The following PPL variants were observed in gnomAD, a reference collection of about 807,000 sequenced individuals.
PPL encodes 190 kDa paraneoplastic pemphigus antigen.
PPL carries 198 observed loss-of-function variants against 194.4 expected under a neutral mutation model. That is an observed-to-expected ratio of 1.02 (90% confidence interval 0.91 to 1.15). The LOEUF (loss-of-function observed/expected upper bound fraction) is 1.15, where lower values mean the gene tolerates loss of function less well. PPL is among the 50% of genes most tolerant of loss of function. The probability of loss-of-function intolerance (pLI) is 0.00; values close to 1 mark genes in which losing one functional copy is unlikely to be tolerated. For synonymous variants in PPL, 1,220 were observed against 972.4 expected (o/e 1.25, Z -4.74); for missense variants, 2,885 against 2,294.8 (o/e 1.26, Z -5.25).
chr16:4,886,532 G>A (rs1458609195), intron 21 of PPL, among the ~76,000 whole-genome samples: 1 of 152,240 alleles, frequency 6.6e-6, no homozygotes, highest in East Asian at 1.9e-4. Flanking sequence ...TGCTGATGAA[G>A]AGTGAACTGC....
chr16:4,927,694 G>T (rs550637735), intron 1 of PPL, among the ~76,000 whole-genome samples: 1 of 152,180 alleles, frequency 6.6e-6, no homozygotes, highest in East Asian at 1.9e-4. Flanking sequence ...TTAATCCTGT[G>T]GAAATATATC....
intron 2 of PPL, 131 bp from the exon 3 acceptor site, chr16:4,904,171 T>G (rs775828843): frequency 2.9e-5 from 29 of 984,196 alleles, no homozygotes; most frequent in Non-Finnish European, 3.7e-5. Flanking sequence ...CTTCCAGGCT[T>G]GTCCATATGG....
chr16:4,922,023 C>T (rs2089060371), intron 1 of PPL, among the ~76,000 whole-genome samples: 1 of 152,106 alleles, frequency 6.6e-6, no homozygotes, highest in South Asian at 2.1e-4. Context: ...GACCCTCGCT[C>T]TCCACCTCCT....
In PPL at chr16:4,888,171, C is replaced by T. The variant is rs1280149970; in HGVS notation, c.2445G>A (p.Glu815=). The T allele has an allele frequency of 1.2e-6, 2 of 1,613,898 alleles. No individual in the cohort carries two copies. The highest frequency in any genetic ancestry group is 1.7e-6 in the Non-Finnish European group (2 of 1,179,774). ...AEKLRSLLDL[E]NGRRSHVSKR... is the part of the protein sequence containing the mutation. ...TGCTCACGTGGCTTCTCCTTCCATT[C>T]TCCAAGTCGAGAAGAGACCTTAGTT... The change falls in exon 20 of 22, where the codon GAG becomes GAA. Residue 815 remains glutamate (E), a synonymous_variant. Transcript: ENST00000345988.
At chr16:4,932,228 T>C (rs1228668037) in intron 1 of PPL, among the ~76,000 whole-genome samples, 2 of 151,856 alleles carry the variant, frequency 1.3e-5, no homozygotes, top group East Asian at 3.9e-4. Flanking sequence ...GTAACATCCA[T>C]GGCCTTGCTG....
chr16:4,931,122 G>C (rs994961840), intron 1 of PPL, among the ~76,000 whole-genome samples: 9 of 152,124 alleles, frequency 5.9e-5, no homozygotes, highest in African/African-American at 1.9e-4. Context: ...TCAGTGCTTT[G>C]GGAGGCTAAG....
At position 4,897,714 on chromosome 16, in the gene PPL, G is replaced by A. The variant is rs757389593; in HGVS notation, c.933C>T (p.Cys311=). The A allele has an allele frequency of 8.7e-6, 14 of 1,613,798 alleles. No individual in the cohort carries two copies. The highest frequency in any genetic ancestry group is 2.7e-5 in the African/African-American group (2 of 74,918). ...CCATGTACTTGAGGTGGCTCTCCTC[G>A]CAGATGAGCAGGTTCAGGTACTCCT... ...DWKEYLNLLI[C]EESHLKYMED... The change falls in exon 9 of 22, where the codon TGC becomes TGT. Residue 311 remains cysteine, a synonymous_variant. Transcript: ENST00000345988.
chr16:4,909,153 G>A (rs1438085411), intron 2 of PPL, among the ~76,000 whole-genome samples: 1 of 152,090 alleles, frequency 6.6e-6, no homozygotes, highest in Non-Finnish European at 1.5e-5. Context: ...CACTCCTGGG[G>A]CCCCTGCAGG....
rs1386836397 is a variant in PPL at position 4,895,395 on chromosome 16, CCTT to C, written c.1105_1107del (p.Lys369del). ...ACCACGTCCTCATACTTGTCCAGCA[CCTT>C]CTCCTGGTCCTGGAGAGAACGGGGT... is the stretch of plus-strand genomic sequence containing the variant. On this transcript the variant is annotated inframe_deletion, in exon 11 of 22. Coordinates refer to ENST00000345988, the MANE Select transcript of PPL (RefSeq NM_002705.5). 1 of 1,613,288 alleles carries C rather than the reference CCTT, an allele frequency of 6.2e-7. No homozygotes were observed.
intron 1 of PPL, among the ~76,000 whole-genome samples, chr16:4,931,882 C>A (rs545729880): frequency 4.6e-5 from 7 of 152,234 alleles, no homozygotes; most frequent in Non-Finnish European, 1.0e-4. Flanking sequence ...AAGCTCAGCT[C>A]TGTCCTGAAT....
intron 1 of PPL, among the ~76,000 whole-genome samples, chr16:4,930,858 C>T (rs956966398): frequency 6.6e-6 from 1 of 152,208 alleles, no homozygotes; most frequent in Non-Finnish European, 1.5e-5. Flanking sequence ...TGTTGATGTG[C>T]AGGGCACCAG....
At position 4,921,098 on chromosome 16, in the gene PPL, C is replaced by T. The variant is rs116400549; in HGVS notation, c.63-10149G>A. Among the ~76,000 whole-genome samples the T allele has an allele frequency of 1.4e-3, 209 of 152,360 alleles. 1 individual carries two copies. The highest frequency in any genetic ancestry group is 4.9e-3 in the African/African-American group (204 of 41,598). On this transcript the variant is annotated intron_variant, in intron 1 of 21. Coordinates refer to ENST00000345988, the MANE Select transcript of PPL (RefSeq NM_002705.5). The stretch of plus-strand genomic sequence containing the variant: ...GTCGACTGAGGCTGTTTTTCCCTAG[C>T]TTTTTCCTTCTGGGCTGGGGATGCC...
Position 4,885,782 on chromosome 16 carries a change from G to A in PPL, c.2873C>T (p.Ala958Val). Reference sequence around the variant, plus strand: ...CAGCTGGTTCTTGTGCTGCTCCTCTGCCAGCGTCCGCTGCAGCTGCTGGAA... The same window carrying A: ...CAGCTGGTTCTTGTGCTGCTCCTCTACCAGCGTCCGCTGCAGCTGCTGGAA... Reference protein sequence around the residue: ...ESFQQLQRTLAEEQHKNQLLQ... With the variant: ...ESFQQLQRTLVEEQHKNQLLQ... Residue 958 changes from alanine to valine, a missense_variant, in exon 22 of 22, where the codon GCA (alanine) becomes GTA (valine). Coordinates refer to ENST00000345988, the MANE Select transcript of PPL (RefSeq NM_002705.5). This position sits in a 1 kb window ranked among gnomAD's most constrained non-coding sequence, Gnocchi z 6.3. The A allele has an allele frequency of 6.2e-7, 1 of 1,610,242 alleles. No individual in the cohort carries two copies.
At position 4,883,657 on chromosome 16, in the gene PPL, G is replaced by A; in HGVS notation, c.4998C>T (p.Gly1666=). 1.2e-6 allele frequency: 2 copies of A among 1,614,118 alleles called. No individual in the cohort carries two copies. Among genetic ancestry groups the A allele is most frequent in the East Asian group, 4.5e-5 (2 of 44,872 alleles). The stretch of plus-strand genomic sequence containing the variant: ...GGGCTTCCTCCGGGGACAGCTCGCG[G>A]CCTGTGTCAGGGTGGATGACTACGA... ...RSIVVIHPDT[G]RELSPEEAHR... The change falls in exon 22 of 22, where the codon GGC becomes GGT. Residue 1666 remains glycine (G), a synonymous_variant. Coordinates refer to ENST00000345988, the MANE Select transcript of PPL (RefSeq NM_002705.5). The surrounding 1 kb of genome is among the most constrained non-coding windows in gnomAD (Gnocchi z 4.8).
Position 4,893,269 on chromosome 16 carries a change from G to A in PPL, c.1594C>T (p.Pro532Ser), listed in dbSNP as rs1426927658. The change falls in exon 14 of 22, where the codon CCA becomes TCA. Residue 532 changes from proline (P) to serine (S), a missense_variant. Physicochemically the swap from Pro to Ser is moderately conservative, Grantham distance 74. Transcript: ENST00000345988. The part of the protein sequence containing the change: ...EKAITGILRP[P>S]LEQGRAVQDS... The stretch of plus-strand genomic sequence containing the variant: ...TGCACAGCCCGGCCTTGCTCCAGTG[G>A]TGGCCGCAGGATCCCTGTGATGGCC... 6.3e-7 allele frequency: 1 copy of A among 1,598,536 alleles called. No individual in the cohort carries two copies. Among genetic ancestry groups the A allele is most frequent in the Non-Finnish European group, 8.5e-7 (1 of 1,175,672 alleles).
rs758691492 is a variant in PPL, at chr16:4,886,040, T to C, written c.2615A>G (p.Glu872Gly). 1.2e-6 allele frequency: 2 copies of C among 1,613,786 alleles called. No individual in the cohort carries two copies. The highest frequency in any genetic ancestry group is 3.3e-5 in the Admixed American group (2 of 59,988). ...FALNLLRQQPEVEVTHETLQR... is the reference protein window; with the variant it reads ...FALNLLRQQPGVEVTHETLQR... ...CAGGGTCTCATGGGTCACTTCTACT[T>C]CCGGCTGCTGTGATGGAGAAGACAA... Residue 872 changes from glutamate to glycine, a missense_variant, in exon 22 of 22, where the codon GAA (glutamate) becomes GGA (glycine). By Grantham distance (98) the Glu-to-Gly change is moderately conservative. Coordinates refer to ENST00000345988, the MANE Select transcript of PPL (RefSeq NM_002705.5).
chr16:4,903,282 A>C (rs2088614026), intron 3 of PPL, among the ~76,000 whole-genome samples: 1 of 152,138 alleles, frequency 6.6e-6, no homozygotes, highest in African/African-American at 2.4e-5. Context: ...CAAGGAAGCC[A>C]GGGACAGGGC....
intron 1 of PPL, among the ~76,000 whole-genome samples, chr16:4,920,748 A>G (rs991791944): frequency 6.6e-6 from 1 of 152,146 alleles, no homozygotes; most frequent in Non-Finnish European, 1.5e-5. Context: ...GGTGTCAACC[A>G]CCATACTCGG....
At chr16:4,928,616 G>A (rs754422323) in intron 1 of PPL, among the ~76,000 whole-genome samples, 2 of 152,208 alleles carry the variant, frequency 1.3e-5, no homozygotes, top group African/African-American at 2.4e-5. Context: ...CTCTGCCTTC[G>A]CCATGGCGAT....
Sources: gnomAD v4.1 joint callset for allele counts (sites outside exome capture counted in the v4.1 genomes callset) on GRCh38, gnomAD v4.1.1 for gene constraint, Gnocchi (gnomAD v3.1) non-coding constraint, MANE v1.5 for transcripts, NCBI Gene and HGNC (gene_info 2026-07-23, HGNC 2026-07-21) for gene names.